The following NCK2 variants were observed in gnomAD, a reference collection of about 807,000 sequenced individuals.
NCK2 encodes the protein cytoplasmic protein NCK2.
NCK2 carries 16 observed loss-of-function variants against 33.9 expected under a neutral mutation model. That is an observed-to-expected ratio of 0.47 (90% confidence interval 0.32 to 0.72). The LOEUF is 0.72. NCK2 is among the 30% of genes least tolerant of loss of function. The pLI, the probability that NCK2 is intolerant of heterozygous loss-of-function variation, is 0.03. For missense variants in NCK2, 418 were observed against 537.3 expected (o/e 0.78, Z 2.19); for synonymous variants, 273 against 239.9 (o/e 1.14, Z -1.27).
At chr2:105,799,823 C>G (rs538227504) in intron 1 of NCK2, among the ~76,000 whole-genome samples, 1 of 152,196 alleles carries the variant, frequency 6.6e-6, no homozygotes, top group African/African-American at 2.4e-5. Flanking sequence ...CCTTCCCCTC[C>G]GCCATCTTGC....
chr2:105,855,375 A>AC, intron 3 of NCK2, 86 bp downstream of exon 3: 1 of 1,090,700 alleles, frequency 9.2e-7, no homozygotes, highest in African/African-American at 1.6e-5. Context: ...GTTTCAAAAA[A>AC]AAAAAAGTCT....
At position 105,882,291 on chromosome 2, in the gene NCK2, G is replaced by A. The variant is rs149416859; in HGVS notation, c.948+242G>A. Among the ~76,000 whole-genome samples, 331 of 152,264 alleles carry A rather than the reference G, an allele frequency of 2.2e-3. 1 individual carries two copies. The highest frequency in any genetic ancestry group is 7.0e-3 in the African/African-American group (290 of 41,566). On this transcript the variant is annotated intron_variant, in intron 4 of 4. Transcript: ENST00000233154. ...AAAGATGTTTTTAGCTCACAGAGGTGGTTCTGCTTCTCTCCCAAGATTCCC... is the reference window on the plus strand; with the variant it reads ...AAAGATGTTTTTAGCTCACAGAGGTAGTTCTGCTTCTCTCCCAAGATTCCC...
chr2:105,872,883 C>T (rs1024607336), intron 3 of NCK2, among the ~76,000 whole-genome samples: 3 of 152,204 alleles, frequency 2.0e-5, no homozygotes, highest in South Asian at 2.1e-4. Context: ...CTCCTTCATC[C>T]GGGGACACCT....
At chr2:105,798,907 T>G (rs1471833852) in intron 1 of NCK2, among the ~76,000 whole-genome samples, 1 of 152,190 alleles carries the variant, frequency 6.6e-6, no homozygotes, top group Non-Finnish European at 1.5e-5. Flanking sequence ...TTATACCAGG[T>G]TGTTGTCATC....
chr2:105,823,132 CTGTGTGTGTGTGTGTGTGTGTGTGTG>C (rs10610689), intron 2 of NCK2, among the ~76,000 whole-genome samples: 3 of 148,530 alleles, frequency 2.0e-5, no homozygotes, highest in Admixed American at 1.3e-4. Flanking sequence ...TCCTCTCATG[CTGTGTGTGTGTGTGTGTGTGTGTGTG>C]TGTGTGTGTG....
At chr2:105,759,776 T>G (rs1114475) in intron 1 of NCK2, among the ~76,000 whole-genome samples, 90,745 of 152,102 alleles carry the variant, frequency 0.6, 28,451 homozygotes, top group Middle Eastern at 0.72. Flanking sequence ...TAGACTCGCC[T>G]TGTTTTTAAT....
At chr2:105,868,650 G>A (rs1457671427) in intron 3 of NCK2, among the ~76,000 whole-genome samples, 1 of 152,234 alleles carries the variant, frequency 6.6e-6, no homozygotes, top group Non-Finnish European at 1.5e-5. Flanking sequence ...TCAGTGGCGA[G>A]AAAGGTTGGT....
At chr2:105,857,413 G>C (rs1392875691) in intron 3 of NCK2, among the ~76,000 whole-genome samples, 1 of 152,156 alleles carries the variant, frequency 6.6e-6, no homozygotes, top group African/African-American at 2.4e-5. Context: ...TCCCATTTTT[G>C]GCGAAAACAG....
chr2:105,807,815 TCCCTCCCTCCCTCCCTTCTATCTCTCC>T (rs1675131923), intron 1 of NCK2, among the ~76,000 whole-genome samples: 1 of 58,126 alleles, frequency 1.7e-5, no homozygotes, highest in Non-Finnish European at 3.4e-5. Flanking sequence ...CTTCTATCTC[TCCCTCCCTCCCTCCCTTCTATCTCTCC>T]CTCCCTCCCT....
chr2:105,852,376 C>T lies in NCK2; in HGVS notation c.-16-2672C>T, dbSNP rs1410748510. Among the ~76,000 whole-genome samples, 14 of 152,140 alleles carry T rather than the reference C, an allele frequency of 9.2e-5. 1 individual carries two copies. Among genetic ancestry groups the T allele is most frequent in the Admixed American group, 8.5e-4 (13 of 15,276 alleles). On this transcript the variant is annotated intron_variant, in intron 2 of 4. Coordinates refer to ENST00000233154, the MANE Select transcript of NCK2 (RefSeq NM_003581.5). ...CTCGGTTCTCTCACTTGGCCTTTCC[C>T]ATCTAAGGCTCGGAAGAATTACATG...
intron 3 of NCK2, among the ~76,000 whole-genome samples, chr2:105,878,527 G>T (rs537718382): frequency 6.6e-6 from 1 of 152,214 alleles, no homozygotes; most frequent in Non-Finnish European, 1.5e-5. Flanking sequence ...GCAGGTCCAG[G>T]AGAGAGGCCT....
intron 1 of NCK2, chr2:105,745,901 C>T (rs1689270944): frequency 6.6e-6 from 1 of 152,150 alleles, no homozygotes; most frequent in South Asian, 2.1e-4. Flanking sequence ...AGTTTTAAGG[C>T]ATGGAGGGTA....
At chr2:105,815,235 C>T (rs931506207) in intron 1 of NCK2, among the ~76,000 whole-genome samples, 14 of 152,158 alleles carry the variant, frequency 9.2e-5, no homozygotes, top group Admixed American at 4.6e-4. Flanking sequence ...TAAAATGATG[C>T]GGCCTTTAAA....
chr2:105,879,672 G>A (rs1049562493), intron 3 of NCK2, among the ~76,000 whole-genome samples: 3 of 152,248 alleles, frequency 2.0e-5, no homozygotes, highest in African/African-American at 4.8e-5. Flanking sequence ...CTGGCGCCGC[G>A]TGGGCACATG....
chr2:105,865,370 C>G (rs1422546607), intron 3 of NCK2, among the ~76,000 whole-genome samples: 1 of 152,172 alleles, frequency 6.6e-6, no homozygotes, highest in Admixed American at 6.5e-5. Context: ...ACACACAGTA[C>G]GTGCTGGGAC....
chr2:105,759,343 G>A (rs187854144), intron 1 of NCK2, among the ~76,000 whole-genome samples: 1 of 152,152 alleles, frequency 6.6e-6, no homozygotes, highest in Non-Finnish European at 1.5e-5. Context: ...CCTCACGTTC[G>A]TGTATTAAGC....
In NCK2 at chr2:105,881,726, G is replaced by T. The variant is rs757457379; in HGVS notation, c.625G>T (p.Val209Phe). 1 of 1,614,236 alleles carries T rather than the reference G, an allele frequency of 6.2e-7. No homozygotes were observed. The highest frequency in any genetic ancestry group is 8.5e-7 in the Non-Finnish European group (1 of 1,180,036). The change falls in exon 4 of 5, where the codon GTC becomes TTC. Residue 209 changes from valine to phenylalanine, a missense_variant. Coordinates refer to ENST00000233154, the MANE Select transcript of NCK2 (RefSeq NM_003581.5). ...CCAGACGCTGTACCCCTTCAGCTCA[G>T]TCACCGAGGAGGAGCTCAACTTCGA... Reference protein sequence around the residue: ...VVQTLYPFSSVTEEELNFEKG... With the variant: ...VVQTLYPFSSFTEEELNFEKG...
intron 3 of NCK2, among the ~76,000 whole-genome samples, chr2:105,867,398 C>T (rs1438292001): frequency 1.3e-5 from 2 of 152,074 alleles, no homozygotes; most frequent in Non-Finnish European, 2.9e-5. Context: ...ATGGAATCTT[C>T]GGCAGTAGTT....
rs914633912 is a variant in NCK2, at chr2:105,894,099, G to C, written c.*923G>C. The C allele has an allele frequency of 1.3e-5, 2 of 152,626 alleles. No individual in the cohort carries two copies. The highest frequency in any genetic ancestry group is 1.9e-4 in the East Asian group (1 of 5,180). The allele number at this position is 152,626 out of a possible 1,614,324, so 9.5% of individuals were successfully genotyped here. A position where few individuals can be genotyped will look rare whatever the true frequency, so the allele number is the denominator to read the frequency against. On this transcript the variant is annotated 3_prime_UTR_variant, in exon 5 of 5. Coordinates refer to ENST00000233154, the MANE Select transcript of NCK2 (RefSeq NM_003581.5). ...TGTGATTGGTAGTAAGAGACACACAGAATGTTTATGAAGAAATTGCATTTT... is the reference window on the plus strand; with the variant it reads ...TGTGATTGGTAGTAAGAGACACACACAATGTTTATGAAGAAATTGCATTTT...
Sources: allele counts gnomAD v4.1 joint callset (sites outside exome capture counted in the v4.1 genomes callset), GRCh38; gene constraint gnomAD v4.1.1; transcripts MANE v1.5; gene names NCBI Gene and HGNC (gene_info 2026-07-23, HGNC 2026-07-21).